SH2B3: variants seen among roughly 807,000 people sequenced by gnomAD.
SH2B3 encodes SH2B adapter protein 3.
In SH2B3, 43 loss-of-function variants were observed where a neutral mutation model predicts 51.9. That is an observed-to-expected ratio of 0.83 (90% CI 0.65 to 1.07). SH2B3 has a LOEUF of 1.07. Ranked by LOEUF, SH2B3 falls within the 50% of genes least tolerant of loss-of-function variation. SH2B3 has a pLI of 0.00. For synonymous variants in SH2B3, 396 were observed against 376.0 expected, an observed-to-expected ratio of 1.05 and a Z score of -0.62; for missense variants, 952 against 834.3, an observed-to-expected ratio of 1.14 and a Z score of -1.74.
chr12:111,414,777 G>GAGAC (rs1870958081), intron 1 of SH2B3, among the ~76,000 whole-genome samples: 2 of 152,186 alleles, frequency 1.3e-5, no homozygotes, highest in Non-Finnish European at 2.9e-5. Flanking sequence ...GCCACATGCA[G>GAGAC]AGACGGTGCC....
Position 111,418,498 on chromosome 12 carries a change from C to G in SH2B3, c.353C>G (p.Ala118Gly), listed in dbSNP as rs768739068. 2.2e-6 allele frequency: 3 copies of G among 1,375,738 alleles called. No homozygotes were observed. Among genetic ancestry groups the G allele is most frequent in the African/African-American group, 1.6e-5 (1 of 64,342 alleles). The allele number at this position is 1,375,738 out of a possible 1,614,324, so 85.2% of individuals were successfully genotyped here. ...PGPAAPGLPK[A>G]RSSEELAPPR... The stretch of plus-strand genomic sequence containing the variant: ...CCCGCCGCCCCTGGCCTGCCCAAGG[C>G]CCGCAGCTCTGAGGAGCTGGCCCCG... The change falls in exon 2 of 8, where the codon GCC becomes GGC. Residue 118 changes from alanine to glycine, a missense_variant. Physicochemically the swap from Ala to Gly is moderately conservative, Grantham distance 60. Coordinates refer to ENST00000341259, the MANE Select transcript of SH2B3 (RefSeq NM_005475.3). The surrounding 1 kb of genome is among the most constrained non-coding windows in gnomAD (Gnocchi z 6.7).
intron 2 of SH2B3, among the ~76,000 whole-genome samples, chr12:111,424,737 T>A (rs1871855668): frequency 1.3e-5 from 2 of 152,258 alleles, no homozygotes; most frequent in East Asian, 3.9e-4. Context: ...TGAATCTGTG[T>A]CCAGGTGATG....
In SH2B3 at chr12:111,407,828, G is replaced by A. The variant is rs1362721974; in HGVS notation, c.-28+1551G>A. The stretch of plus-strand genomic sequence containing the variant: ...CAGGGGCTCAGCAGGAAGTGGAGGA[G>A]GATAGTGAGGAGGGTCCTGGAGACT... On this transcript the variant is annotated intron_variant, in intron 1 of 7. Transcript: ENST00000341259. The surrounding 1 kb of genome is among the most constrained non-coding windows in gnomAD (Gnocchi z 4.3). Among the ~76,000 whole-genome samples the A allele has an allele frequency of 1.3e-5, 2 of 152,218 alleles. No individual in the cohort carries two copies. Among genetic ancestry groups the A allele is most frequent in the Non-Finnish European group, 2.9e-5 (2 of 68,048 alleles).
intron 2 of SH2B3, among the ~76,000 whole-genome samples, chr12:111,423,081 ATG>A (rs2135556649): frequency 6.6e-6 from 1 of 152,270 alleles, no homozygotes; most frequent in Admixed American, 6.5e-5. Context: ...TGAGTGGGGA[ATG>A]TGTTTAGCAT....
chr12:111,446,366 GCTAGGCTCTGCCCC>G, intron 2 of SH2B3, among the ~76,000 whole-genome samples: 1 of 152,376 alleles, frequency 6.6e-6, no homozygotes, highest in African/African-American at 2.4e-5. Context: ...GGCTAGCCAT[GCTAGGCTCTGCCCC>G]TTTGGGCTTG....
intron 2 of SH2B3, among the ~76,000 whole-genome samples, chr12:111,440,241 G>A (rs1306834791): frequency 6.6e-6 from 1 of 152,224 alleles, no homozygotes; most frequent in Non-Finnish European, 1.5e-5. Flanking sequence ...TGTGAAGTAG[G>A]TGAAGGCACA....
intron 2 of SH2B3, among the ~76,000 whole-genome samples, chr12:111,425,394 G>A (rs1871911872): frequency 6.6e-6 from 1 of 152,138 alleles, no homozygotes; most frequent in South Asian, 2.1e-4. Flanking sequence ...GCCTTCCCTG[G>A]GGTTGGTCAG....
chr12:111,405,248 C>T (rs995735060), upstream of SH2B3, among the ~76,000 whole-genome samples: 1 of 152,148 alleles, frequency 6.6e-6, no homozygotes, highest in Non-Finnish European at 1.5e-5. The surrounding 1 kb of genome is among the most constrained non-coding windows in gnomAD (Gnocchi z 5.4). Flanking sequence ...GCGGCCGGAG[C>T]GAGGCTGGGC....
chr12:111,434,714 G>C (rs1593059963), intron 2 of SH2B3: 1 of 1,330,254 alleles, frequency 7.5e-7, no homozygotes, highest in Non-Finnish European at 9.9e-7. Context: ...GTTCTGTCTT[G>C]GTTTCCTTTT....
intron 1 of SH2B3, among the ~76,000 whole-genome samples, chr12:111,411,588 G>A (rs1269017987): frequency 6.6e-6 from 1 of 152,152 alleles, no homozygotes; most frequent in Non-Finnish European, 1.5e-5. Context: ...AAGGTCCTGC[G>A]ATTTCTCACC....
At chr12:111,437,196 CGGAT>C (rs1463400443) in intron 2 of SH2B3, among the ~76,000 whole-genome samples, 1 of 152,084 alleles carries the variant, frequency 6.6e-6, no homozygotes, top group African/African-American at 2.4e-5. Flanking sequence ...TACTGGGTGA[CGGAT>C]GGATGAGCAC....
intron 2 of SH2B3, among the ~76,000 whole-genome samples, chr12:111,426,770 C>G (rs1045568645): frequency 6.6e-6 from 1 of 152,074 alleles, no homozygotes; most frequent in African/African-American, 2.4e-5. Flanking sequence ...TTCCCATGAG[C>G]TGGAGTTCAC....
intron 1 of SH2B3, among the ~76,000 whole-genome samples, chr12:111,417,049 G>A (rs2135544717): frequency 6.6e-6 from 1 of 151,982 alleles, no homozygotes; most frequent in Admixed American, 6.5e-5. Context: ...GGATTGTCTA[G>A]GGTGTCTTGT....
intron 2 of SH2B3, among the ~76,000 whole-genome samples, chr12:111,427,819 C>T (rs1872137567): frequency 1.3e-5 from 2 of 152,232 alleles, no homozygotes; most frequent in African/African-American, 4.8e-5. Context: ...TTGGGCTTTC[C>T]TTATACAGCA....
chr12:111,407,858 T>A lies in SH2B3; in HGVS notation c.-28+1581T>A, dbSNP rs2135529596. 6.6e-6 allele frequency among the ~76,000 whole-genome samples: 1 copy of A among 152,240 alleles called. No homozygotes were observed. Among genetic ancestry groups the A allele is most frequent in the South Asian group, 2.1e-4 (1 of 4,824 alleles). ...GTGAGGAGGGTCCTGGAGACTGTGC[T>A]TTGCTACTCCTATTGCCTTCGTTCA... On this transcript the variant is annotated intron_variant, in intron 1 of 7. Coordinates refer to ENST00000341259, the MANE Select transcript of SH2B3 (RefSeq NM_005475.3). The surrounding 1 kb of genome is among the most constrained non-coding windows in gnomAD (Gnocchi z 4.3).
chr12:111,412,485 G>A (rs1048208619), intron 1 of SH2B3, among the ~76,000 whole-genome samples: 7 of 152,216 alleles, frequency 4.6e-5, no homozygotes, highest in South Asian at 2.1e-4. Flanking sequence ...GCCTGACTCC[G>A]AGGCTGGAGC....
rs1484683120 is a variant in SH2B3, at chr12:111,429,104, G to A, written c.732+10227G>A. ...GAAGCCGCCTCGGGCTCTGACAGGCGCGGCCCTGGCCTGCCCCTGCCCTTC... is the reference window on the plus strand; with the variant it reads ...GAAGCCGCCTCGGGCTCTGACAGGCACGGCCCTGGCCTGCCCCTGCCCTTC... On this transcript the variant is annotated intron_variant, in intron 2 of 7. Coordinates refer to ENST00000341259, the MANE Select transcript of SH2B3 (RefSeq NM_005475.3). The surrounding 1 kb of genome is among the most constrained non-coding windows in gnomAD (Gnocchi z 4.4). Among the ~76,000 whole-genome samples the A allele has an allele frequency of 1.3e-5, 2 of 152,140 alleles. No homozygotes were observed. Among genetic ancestry groups the A allele is most frequent in the African/African-American group, 4.8e-5 (2 of 41,548 alleles).
chr12:111,424,846 T>C (rs187134513), intron 2 of SH2B3, among the ~76,000 whole-genome samples: 61 of 152,288 alleles, frequency 4.0e-4, no homozygotes, highest in Middle Eastern at 3.4e-3. Flanking sequence ...GGAACAGTTT[T>C]AAACAAAAGG....
intron 1 of SH2B3, among the ~76,000 whole-genome samples, chr12:111,408,678 C>G (rs139747433): frequency 6.6e-6 from 1 of 152,220 alleles, no homozygotes; most frequent in Non-Finnish European, 1.5e-5. Context: ...TGAAGGGGGT[C>G]TCAGGGACAT....
Sources: gnomAD v4.1 joint callset for allele counts (sites outside exome capture counted in the v4.1 genomes callset) on GRCh38, gnomAD v4.1.1 for gene constraint, Gnocchi (gnomAD v3.1) non-coding constraint, MANE v1.5 for transcripts, NCBI Gene and HGNC (gene_info 2026-07-23, HGNC 2026-07-21) for gene names.